TRHDE: variants seen among roughly 807,000 people sequenced by gnomAD.
The protein encoded by TRHDE is thyrotropin releasing hormone degrading enzyme, also known as thyrotropin-releasing hormone-degrading ectoenzyme.
Under a neutral mutation model 125.7 loss-of-function variants are expected in TRHDE, and 72 were observed. That is an observed-to-expected ratio of 0.57 (90% CI 0.47 to 0.70). The LOEUF is 0.70. TRHDE is among the 30% of genes least tolerant of loss of function. The pLI, the probability that TRHDE is intolerant of heterozygous loss-of-function variation, is 0.00. For missense variants in TRHDE, 1,110 were observed against 1,327.1 expected (o/e 0.84, Z 2.54); for synonymous variants, 509 against 509.1 (o/e 1.00, Z 0.00).
At position 72,272,976 on chromosome 12, in the gene TRHDE, C is replaced by T. The variant is rs1307921952; in HGVS notation, c.333C>T (p.Asp111=). 2 of 1,561,072 alleles carry T rather than the reference C, an allele frequency of 1.3e-6. No homozygotes were observed. Among genetic ancestry groups the T allele is most frequent in the Non-Finnish European group, 8.6e-7 (1 of 1,160,112 alleles). The change falls in exon 1 of 19, where the codon GAC becomes GAT. Residue 111 remains aspartate, a synonymous_variant. Transcript: ENST00000261180. This position sits in a 1 kb window ranked among gnomAD's most constrained non-coding sequence, Gnocchi z 6.7. The part of the protein sequence containing the change: ...MLAVLLSLRF[D]ECGASATPGA... ...CTGTGCTGCTCAGCCTGCGCTTCGA[C>T]GAGTGCGGGGCGAGTGCCACGCCAG...
At chr12:72,094,619 C>G (rs1874869152) in intron 1 of TRHDE, among the ~76,000 whole-genome samples, 1 of 152,222 alleles carries the variant, frequency 6.6e-6, no homozygotes, top group Non-Finnish European at 1.5e-5. Context: ...AGGACAGGAC[C>G]ACTTCAGGGT....
chr12:72,154,602 G>C (rs145115160), intron 2 of TRHDE, among the ~76,000 whole-genome samples: 4,475 of 152,224 alleles, frequency 0.029, 112 homozygotes, highest in African/African-American at 0.065. Flanking sequence ...GTGACAAAAT[G>C]TCTCAGCATT....
chr12:72,341,122 C>A (rs1565705276), intron 2 of TRHDE, among the ~76,000 whole-genome samples: 2 of 149,262 alleles, frequency 1.3e-5, no homozygotes, highest in Non-Finnish European at 3.0e-5. Flanking sequence ...TTCTATCAGG[C>A]TTTCCTTCAG....
At chr12:72,525,833 T>C (rs1868325736) in intron 6 of TRHDE, among the ~76,000 whole-genome samples, 1 of 152,112 alleles carries the variant, frequency 6.6e-6, no homozygotes, top group Non-Finnish European at 1.5e-5. Context: ...ATTCAACTAC[T>C]TTTTGAAAAA....
chr12:72,624,036 A>G (rs2136080994), intron 15 of TRHDE, among the ~76,000 whole-genome samples: 1 of 152,132 alleles, frequency 6.6e-6, no homozygotes, highest in Admixed American at 6.6e-5. Flanking sequence ...AACTCTGTTT[A>G]CTAAGATTTG....
chr12:72,098,339 A>T (rs1326675549), intron 1 of TRHDE, among the ~76,000 whole-genome samples: 1 of 152,180 alleles, frequency 6.6e-6, no homozygotes, highest in East Asian at 1.9e-4. Context: ...CAAATCTTGC[A>T]AAACTCTAGT....
intron 2 of TRHDE, among the ~76,000 whole-genome samples, chr12:72,288,845 T>A (rs918862265): frequency 2.6e-5 from 4 of 152,138 alleles, no homozygotes; most frequent in Non-Finnish European, 4.4e-5. Context: ...AATTCCTGCT[T>A]AATAATTTTT....
intron 2 of TRHDE, among the ~76,000 whole-genome samples, chr12:72,147,044 C>T (rs1876245412): frequency 2.0e-5 from 3 of 152,132 alleles, no homozygotes; most frequent in Non-Finnish European, 4.4e-5. Context: ...TTCTCTCTTT[C>T]TCTGCTGCAT....
At chr12:72,621,007 G>A (rs1490907294) in intron 13 of TRHDE, 101 bp from the exon 14 acceptor site, 14 of 566,542 alleles carry the variant, frequency 2.5e-5, no homozygotes, top group Non-Finnish European at 4.4e-5. Context: ...TTGAAAGTAG[G>A]TACATTTTAA....
chr12:72,570,300 G>A (rs1870655997), intron 10 of TRHDE, among the ~76,000 whole-genome samples: 1 of 152,030 alleles, frequency 6.6e-6, no homozygotes, highest in African/African-American at 2.4e-5. Flanking sequence ...AGTATCCCAG[G>A]CTGGGCGCTG....
At chr12:72,523,457 G>T (rs560189516) in intron 6 of TRHDE, among the ~76,000 whole-genome samples, 1 of 152,276 alleles carries the variant, frequency 6.6e-6, no homozygotes, top group South Asian at 2.1e-4. Flanking sequence ...TGTTTGCTTA[G>T]AGAGTGTTAA....
chr12:72,161,450 A>T (rs1876635647), intron 2 of TRHDE, among the ~76,000 whole-genome samples: 1 of 151,694 alleles, frequency 6.6e-6, no homozygotes, highest in Non-Finnish European at 1.5e-5. Flanking sequence ...AAAAAAAAAA[A>T]TTGCTGCATT....
chr12:72,351,010 A>G (rs752906658), intron 2 of TRHDE, among the ~76,000 whole-genome samples: 1 of 152,016 alleles, frequency 6.6e-6, no homozygotes, highest in Admixed American at 6.6e-5. Context: ...TGTAGCAAAA[A>G]TCTTTAAATG....
chr12:72,645,982 A>C (rs1874263993), intron 15 of TRHDE, among the ~76,000 whole-genome samples: 1 of 152,182 alleles, frequency 6.6e-6, no homozygotes, highest in African/African-American at 2.4e-5. Context: ...AAATTCTTCA[A>C]GTTGAAATAA....
intron 6 of TRHDE, among the ~76,000 whole-genome samples, chr12:72,504,698 C>T (rs1160332257): frequency 6.6e-6 from 1 of 152,138 alleles, no homozygotes; most frequent in Non-Finnish European, 1.5e-5. Flanking sequence ...AAGAATATTC[C>T]TGTAGATGTA....
At chr12:72,123,769 G>C (rs368635150) in intron 2 of TRHDE, among the ~76,000 whole-genome samples, 9 of 151,928 alleles carry the variant, frequency 5.9e-5, no homozygotes, top group African/African-American at 2.2e-4. Flanking sequence ...TGAAACTGCC[G>C]TCACAATCAA....
At chr12:72,428,540 A>G (rs1379720680) in intron 3 of TRHDE, among the ~76,000 whole-genome samples, 1 of 152,106 alleles carries the variant, frequency 6.6e-6, no homozygotes, top group Non-Finnish European at 1.5e-5. Context: ...ATTGAGCTTT[A>G]TTTTTAATAT....
At chr12:72,514,884 G>T (rs1370181043) in intron 6 of TRHDE, among the ~76,000 whole-genome samples, 1 of 144,162 alleles carries the variant, frequency 6.9e-6, no homozygotes, top group Admixed American at 7.0e-5. Flanking sequence ...GAGAATATGT[G>T]GTGTTTGGTT....
chr12:72,610,083 A>G (rs1872579009), intron 12 of TRHDE, among the ~76,000 whole-genome samples: 1 of 152,098 alleles, frequency 6.6e-6, no homozygotes, highest in Non-Finnish European at 1.5e-5. Flanking sequence ...TAATTAACCC[A>G]AAGTGGAATA....
Sources: gnomAD v4.1 joint callset for allele counts (sites outside exome capture counted in the v4.1 genomes callset) on GRCh38, gnomAD v4.1.1 for gene constraint, Gnocchi (gnomAD v3.1) non-coding constraint, MANE v1.5 for transcripts, NCBI Gene and HGNC (gene_info 2026-07-23, HGNC 2026-07-21) for gene names.